Variants in EPC1 observed in about 807,000 individuals in gnomAD.
EPC1 encodes the protein enhancer of polycomb 1.
A neutral mutation model predicts 98.4 loss-of-function variants in EPC1; 12 were observed. That is an observed-to-expected ratio of 0.12 (90% CI 0.08 to 0.20). The LOEUF is 0.20. Ranked by LOEUF, EPC1 falls within the 10% of genes least tolerant of loss-of-function variation. EPC1 has a pLI of 1.00. For synonymous variants in EPC1, 357 were observed against 363.9 expected, an observed-to-expected ratio of 0.98 and a Z score of 0.21; for missense variants, 729 against 990.5, an observed-to-expected ratio of 0.74 and a Z score of 3.54.
intron 2 of EPC1, among the ~76,000 whole-genome samples, chr10:32,301,023 A>G (rs1328369251): frequency 6.7e-6 from 1 of 150,086 alleles, no homozygotes; most frequent in Non-Finnish European, 1.5e-5. Context: ...AGAGGAAAGA[A>G]TTAGAAGCAC....
At chr10:32,279,280 G>A (rs568260609) in intron 10 of EPC1, among the ~76,000 whole-genome samples, 10 of 151,872 alleles carry the variant, frequency 6.6e-5, no homozygotes, top group African/African-American at 1.7e-4. Flanking sequence ...CCCGGTAGGC[G>A]GAGGTTGCAG....
intron 1 of EPC1, among the ~76,000 whole-genome samples, chr10:32,311,400 T>C (rs1215862171): frequency 1.3e-5 from 2 of 152,104 alleles, no homozygotes; most frequent in Non-Finnish European, 2.9e-5. Context: ...GCCACTGTAT[T>C]ACTCTTTCAA....
chr10:32,297,129 T>C (rs1245413316), intron 2 of EPC1, among the ~76,000 whole-genome samples: 2 of 152,104 alleles, frequency 1.3e-5, no homozygotes, highest in Non-Finnish European at 2.9e-5. Context: ...ATATTCATCA[T>C]GTTCCTAGAA....
At chr10:32,350,743 A>G (rs1369645879), upstream of EPC1, among the ~76,000 whole-genome samples, 2 of 152,250 alleles carry the variant, frequency 1.3e-5, no homozygotes, top group Non-Finnish European at 2.9e-5. Flanking sequence ...CAGAATTTCT[A>G]CTTAACAAAA....
At chr10:32,347,323 G>A, upstream of EPC1, 1 of 491,190 alleles carries the variant, frequency 2.0e-6, no homozygotes, top group Non-Finnish European at 2.7e-6. Flanking sequence ...TCGCTGCTCC[G>A]GGCCCCCGCC....
intron 1 of EPC1, among the ~76,000 whole-genome samples, chr10:32,322,939 T>A (rs574011549): frequency 7.2e-4 from 110 of 151,950 alleles, no homozygotes; most frequent in South Asian, 6.9e-3. Context: ...ACCATTTTTT[T>A]TAAAAAAACC....
At chr10:32,335,327 C>G (rs1837891892) in intron 1 of EPC1, among the ~76,000 whole-genome samples, 1 of 152,178 alleles carries the variant, frequency 6.6e-6, no homozygotes, top group Non-Finnish European at 1.5e-5. Context: ...CCCTTCCTGA[C>G]TGTCTCAAAG....
upstream of EPC1, chr10:32,347,280 C>A (rs912328679): frequency 1.8e-5 from 17 of 934,072 alleles, no homozygotes; most frequent in Non-Finnish European, 1.7e-5. Context: ...GTCCCGCCAA[C>A]CCCCGGCACC....
chr10:32,295,106 AT>A (rs1430448471), intron 2 of EPC1, among the ~76,000 whole-genome samples: 12 of 152,184 alleles, frequency 7.9e-5, no homozygotes, highest in Admixed American at 3.3e-4. Context: ...CACATACTTT[AT>A]AATCTGCTTG....
In EPC1 at chr10:32,284,702, G is replaced by C. The variant is rs959939159; in HGVS notation, c.1740C>G (p.His580Gln). The change falls in exon 10 of 14, where the codon CAC becomes CAG. Residue 580 changes from histidine to glutamine, a missense_variant. Around this residue, in one of 6 missense-constraint regions of EPC1, gnomAD observed 390 missense variants for 438.6 expected, o/e 0.89. Transcript: ENST00000319778. ...CATCATTAACAGTCAACATACCAAA[G>C]TGTGCTGAACCACTGCTACTTTTAC... Reference protein sequence around the residue: ...TQSKSSSGSAHFAFTAEQYQQ... With the variant: ...TQSKSSSGSAQFAFTAEQYQQ... 2 of 1,607,840 alleles carry C rather than the reference G, an allele frequency of 1.2e-6. No homozygotes were observed. The highest frequency in any genetic ancestry group is 1.3e-5 in the African/African-American group (1 of 74,856).
intron 1 of EPC1, among the ~76,000 whole-genome samples, chr10:32,368,088 A>C (rs1284332335): frequency 6.6e-6 from 1 of 152,210 alleles, no homozygotes; most frequent in Admixed American, 6.5e-5. Flanking sequence ...ATCAAAACTT[A>C]CCTGGCAAGA....
intron 10 of EPC1, among the ~76,000 whole-genome samples, chr10:32,280,781 T>C (rs952607209): frequency 2.0e-5 from 3 of 152,078 alleles, no homozygotes; most frequent in African/African-American, 7.2e-5. Context: ...CAGAAATGGC[T>C]ATACTATAAC....
intron 2 of EPC1, 79 bp downstream of exon 2, chr10:32,305,693 C>T: frequency 7.9e-7 from 1 of 1,258,744 alleles, no homozygotes; most frequent in Non-Finnish European, 1.1e-6. Flanking sequence ...CAAAAACGCT[C>T]CTGAAGAGAT....
intron 13 of EPC1, among the ~76,000 whole-genome samples, 176 bp downstream of exon 13, chr10:32,271,378 T>A (rs1037326711): frequency 1.3e-5 from 2 of 152,188 alleles, no homozygotes; most frequent in African/African-American, 2.4e-5. Flanking sequence ...AATATTGAAT[T>A]AAGTGTTCAA....
At chr10:32,278,621 C>G (rs1836235712) in intron 10 of EPC1, among the ~76,000 whole-genome samples, 1 of 151,984 alleles carries the variant, frequency 6.6e-6, no homozygotes, top group Non-Finnish European at 1.5e-5. Flanking sequence ...GACCTCGTTA[C>G]TTTGTTTTTA....
chr10:32,283,713 A>ATGGACTAATGGACTGTTTATGTTAT (rs2132688495), intron 10 of EPC1: 1 of 152,346 alleles, frequency 6.6e-6, no homozygotes, highest in Admixed American at 6.5e-5. Context: ...GTTTATGTTA[A>ATGGACTAATGGACTGTTTATGTTAT]TGGACTAATG....
intron 1 of EPC1, among the ~76,000 whole-genome samples, chr10:32,323,541 G>T (rs147260324): frequency 6.6e-6 from 1 of 152,264 alleles, no homozygotes; most frequent in East Asian, 1.9e-4. Context: ...AAATAGGAAG[G>T]TATCTAAGTA....
chr10:32,346,539 A>C, intron 1 of EPC1: 3 of 536,052 alleles, frequency 5.6e-6, no homozygotes, highest in East Asian at 3.4e-5. Flanking sequence ...GGACCCGGGT[A>C]CAAGTGGCCA....
chr10:32,337,015 T>C (rs1440577449), intron 1 of EPC1, among the ~76,000 whole-genome samples: 2 of 152,246 alleles, frequency 1.3e-5, no homozygotes, highest in African/African-American at 4.8e-5. Context: ...ATTTTCCAGC[T>C]TCTTTAAATG....
Sources: allele counts gnomAD v4.1 joint callset (sites outside exome capture counted in the v4.1 genomes callset), GRCh38; gene constraint gnomAD v4.1.1; regional missense constraint gnomAD v4.1.1; transcripts MANE v1.5; gene names NCBI Gene and HGNC (gene_info 2026-07-23, HGNC 2026-07-21).